FRK: variants seen among roughly 807,000 people sequenced by gnomAD.
FRK encodes tyrosine-protein kinase FRK.
FRK carries 51 observed loss-of-function variants against 56.4 expected under a neutral mutation model. The observed-to-expected ratio is 0.90, with a 90% confidence interval of 0.72 to 1.14. FRK has a LOEUF of 1.14. Ranked by LOEUF, FRK falls within the 50% of genes most tolerant of loss-of-function variation. FRK has a pLI of 0.00. For synonymous variants in FRK, 245 were observed against 217.9 expected (o/e 1.12, Z -1.10); for missense variants, 570 against 601.4 (o/e 0.95, Z 0.55).
At chr6:116,081,112 C>G in the FRK span, among the ~76,000 whole-genome samples, 1 of 152,196 alleles carries the variant, frequency 6.6e-6, no homozygotes, top group Non-Finnish European at 1.5e-5. Flanking sequence ...GACTTATTCA[C>G]TATCTCGAGA....
At chr6:115,985,604 A>C (rs913111962) in intron 2 of FRK, among the ~76,000 whole-genome samples, 1 of 151,976 alleles carries the variant, frequency 6.6e-6, no homozygotes, top group Non-Finnish European at 1.5e-5. Context: ...TTGGACAGCT[A>C]CTCCATGACG....
At chr6:116,081,656 T>TAA in the FRK span, among the ~76,000 whole-genome samples, 2 of 149,368 alleles carry the variant, frequency 1.3e-5, no homozygotes, top group Non-Finnish European at 3.0e-5. Flanking sequence ...CAACTCCATA[T>TAA]AAAAATATAT....
the FRK span, among the ~76,000 whole-genome samples, chr6:116,095,386 T>C: frequency 3.4e-3 from 523 of 152,370 alleles, 2 homozygotes; most frequent in African/African-American, 0.012. Context: ...GAGCCATCTA[T>C]ATCAATTCTA....
At chr6:116,042,060 G>A (rs1471473853) in intron 1 of FRK, among the ~76,000 whole-genome samples, 1 of 152,200 alleles carries the variant, frequency 6.6e-6, no homozygotes, top group Non-Finnish European at 1.5e-5. Flanking sequence ...AGCTTGGTCA[G>A]GGAAGGGGCA....
chr6:115,954,542 A>G (rs1020725681), intron 5 of FRK, among the ~76,000 whole-genome samples: 3 of 152,192 alleles, frequency 2.0e-5, no homozygotes, highest in African/African-American at 7.2e-5. Flanking sequence ...AAAAGTAGAG[A>G]TGATGCCAAG....
intron 1 of FRK, among the ~76,000 whole-genome samples, chr6:116,058,196 T>C (rs1008577075): frequency 1.3e-5 from 2 of 152,304 alleles, no homozygotes; most frequent in East Asian, 1.9e-4. Context: ...ATACAGGACA[T>C]AGAAATCATA....
chr6:116,094,841 G>C, the FRK span, among the ~76,000 whole-genome samples: 2 of 152,138 alleles, frequency 1.3e-5, no homozygotes, highest in Non-Finnish European at 2.9e-5. Flanking sequence ...AAGTCAAAGA[G>C]AGGAAGAGAT....
At chr6:116,085,849 G>A in the FRK span, among the ~76,000 whole-genome samples, 3 of 152,150 alleles carry the variant, frequency 2.0e-5, no homozygotes, top group African/African-American at 7.2e-5. Flanking sequence ...TGAAAAGGAA[G>A]AAAGAAAATG....
intron 5 of FRK, among the ~76,000 whole-genome samples, chr6:115,951,443 T>C (rs984963575): frequency 6.6e-6 from 1 of 152,202 alleles, no homozygotes; most frequent in Admixed American, 6.5e-5. Context: ...TGACCTATAA[T>C]AGATGTTCTA....
upstream of FRK, among the ~76,000 whole-genome samples, chr6:116,062,005 GGAAAGAAA>G (rs745677180): frequency 1.4e-5 from 2 of 147,212 alleles, no homozygotes; most frequent in Non-Finnish European, 3.0e-5. Context: ...AAAGAAAGAA[GGAAAGAAA>G]GAAAGAAAGA....
chr6:115,959,358 C>A (rs1215490894), intron 4 of FRK, among the ~76,000 whole-genome samples: 1 of 152,038 alleles, frequency 6.6e-6, no homozygotes, highest in Non-Finnish European at 1.5e-5. Flanking sequence ...TGTCTTTTGA[C>A]TTCCCAAAGG....
At chr6:116,096,762 C>T in the FRK span, among the ~76,000 whole-genome samples, 24 of 152,334 alleles carry the variant, frequency 1.6e-4, no homozygotes, top group African/African-American at 4.3e-4. Context: ...CAGCCAGCAG[C>T]GGCAACCCAC....
the FRK span, among the ~76,000 whole-genome samples, chr6:116,096,527 G>A: frequency 1.3e-5 from 2 of 152,028 alleles, no homozygotes; most frequent in African/African-American, 4.8e-5. Flanking sequence ...GCACCAATCA[G>A]CACTCTGTGT....
rs73770690 is a variant in FRK, at chr6:115,994,632, A to G, written c.466+9245T>C. On this transcript the variant is annotated intron_variant, in intron 2 of 7. Transcript: ENST00000606080. ...GCAATTGTTATGACCTGCAATTGCA[A>G]TTGTGTCCCTTTCTCAAAATTTATA... 4.9e-3 allele frequency among the ~76,000 whole-genome samples: 745 copies of G among 152,214 alleles called. 7 individuals carry two copies. Among genetic ancestry groups the G allele is most frequent in the African/African-American group, 0.017 (725 of 41,546 alleles).
chr6:115,965,939 T>C (rs1773549323), intron 4 of FRK, among the ~76,000 whole-genome samples: 1 of 96,462 alleles, frequency 1.0e-5, no homozygotes, highest in Non-Finnish European at 2.1e-5. Context: ...TTGGGAGATA[T>C]ACCTAATGCT....
At chr6:115,966,610 G>A (rs1335867510) in intron 4 of FRK, among the ~76,000 whole-genome samples, 1 of 152,100 alleles carries the variant, frequency 6.6e-6, no homozygotes, top group East Asian at 1.9e-4. Context: ...TTCTGGGCTA[G>A]GTAAATAATG....
At chr6:116,089,885 G>GA in the FRK span, among the ~76,000 whole-genome samples, 395 of 147,762 alleles carry the variant, frequency 2.7e-3, 10 homozygotes, top group South Asian at 0.045. Flanking sequence ...ACTTCTGAAG[G>GA]AAAAAAAAAA....
At chr6:116,084,167 T>C in the FRK span, among the ~76,000 whole-genome samples, 1 of 152,172 alleles carries the variant, frequency 6.6e-6, no homozygotes, top group Non-Finnish European at 1.5e-5. Flanking sequence ...TGGTTATATA[T>C]ATTTTCTTTA....
chr6:116,083,747 C>T, the FRK span, among the ~76,000 whole-genome samples: 4 of 152,104 alleles, frequency 2.6e-5, no homozygotes, highest in Non-Finnish European at 4.4e-5. Context: ...TCATAGTTTA[C>T]TGCAAACTCA....
Sources: gnomAD v4.1 joint callset for allele counts (sites outside exome capture counted in the v4.1 genomes callset) on GRCh38, gnomAD v4.1.1 for gene constraint, MANE v1.5 for transcripts, NCBI Gene and HGNC (gene_info 2026-07-23, HGNC 2026-07-21) for gene names.